The following GALNT18 variants were observed in gnomAD, a reference collection of about 807,000 sequenced individuals.
The protein encoded by GALNT18 is GalNAc-transferase 18.
GALNT18 carries 44 observed loss-of-function variants against 69.5 expected under a neutral mutation model. That is an observed-to-expected ratio of 0.63 (90% CI 0.50 to 0.81). The LOEUF (loss-of-function observed/expected upper bound fraction) is 0.81. Ranked by LOEUF, GALNT18 falls within the 40% of genes least tolerant of loss-of-function variation. GALNT18 has a pLI of 0.00. For synonymous variants in GALNT18, 364 were observed against 318.2 expected (o/e 1.14, Z -1.53); for missense variants, 715 against 810.0 (o/e 0.88, Z 1.42).
At chr11:11,394,984 C>T (rs1854293010) in intron 3 of GALNT18, among the ~76,000 whole-genome samples, 1 of 152,224 alleles carries the variant, frequency 6.6e-6, no homozygotes, top group Admixed American at 6.5e-5. Flanking sequence ...GGGACCCAGT[C>T]TGAAGACAAC....
intron 1 of GALNT18, among the ~76,000 whole-genome samples, chr11:11,472,838 A>G (rs1038576): frequency 0.19 from 29,532 of 152,060 alleles, 3,576 homozygotes; most frequent in Middle Eastern, 0.28. Flanking sequence ...TAGAAAGACT[A>G]TATATGGGCC....
intron 6 of GALNT18, among the ~76,000 whole-genome samples, chr11:11,368,439 C>T (rs1342083643): frequency 6.6e-6 from 1 of 152,134 alleles, no homozygotes; most frequent in Admixed American, 6.5e-5. Flanking sequence ...AAATAGAAAT[C>T]CTCTCTGGAG....
At chr11:11,392,257 T>A (rs932038204) in intron 3 of GALNT18, among the ~76,000 whole-genome samples, 1 of 152,198 alleles carries the variant, frequency 6.6e-6, no homozygotes, top group Non-Finnish European at 1.5e-5. Flanking sequence ...GAAATCCTCA[T>A]ATAAAGGTTT....
intron 5 of GALNT18, among the ~76,000 whole-genome samples, chr11:11,373,892 G>A (rs1181120668): frequency 6.6e-6 from 1 of 152,206 alleles, no homozygotes; most frequent in Non-Finnish European, 1.5e-5. Context: ...GGGAATAAAA[G>A]GAGAAATGAA....
chr11:11,428,886 G>A (rs906270962), intron 3 of GALNT18, among the ~76,000 whole-genome samples: 2 of 152,186 alleles, frequency 1.3e-5, no homozygotes, highest in Admixed American at 6.5e-5. Flanking sequence ...TGTTCCCATC[G>A]TGTGTGTATG....
chr11:11,474,147 A>C (rs550642598), intron 1 of GALNT18, among the ~76,000 whole-genome samples: 2 of 152,230 alleles, frequency 1.3e-5, no homozygotes, highest in Admixed American at 1.3e-4. Context: ...CCAGGTCATC[A>C]CAGATTGTGA....
intron 3 of GALNT18, among the ~76,000 whole-genome samples, chr11:11,411,766 G>T (rs540778247): frequency 9.8e-5 from 15 of 152,380 alleles, no homozygotes; most frequent in Admixed American, 9.1e-4. Flanking sequence ...AGTGAGGGAA[G>T]CAAGTCAGGG....
At chr11:11,373,335 A>G (rs1850958230) in intron 5 of GALNT18, among the ~76,000 whole-genome samples, 1 of 152,220 alleles carries the variant, frequency 6.6e-6, no homozygotes, top group Admixed American at 6.5e-5. Context: ...TTTTTTAAAG[A>G]CATATTTTGA....
In GALNT18 at chr11:11,614,310, T is replaced by C. The variant is rs1262248911; in HGVS notation, c.235+7049A>G. On this transcript the variant is annotated intron_variant, in intron 1 of 10. Coordinates refer to ENST00000227756, the MANE Select transcript of GALNT18 (RefSeq NM_198516.3). The surrounding 1 kb of genome is among the most constrained non-coding windows in gnomAD (Gnocchi z 5.6). ...GTAACAGGGAAGCAGGTATGTCACA[T>C]AGTGAGAGAGGGGTGAGAGAGAGAG... 2.0e-5 allele frequency among the ~76,000 whole-genome samples: 3 copies of C among 150,274 alleles called. No homozygotes were observed. Among genetic ancestry groups the C allele is most frequent in the Non-Finnish European group, 3.0e-5 (2 of 67,742 alleles).
chr11:11,583,503 A>G lies in GALNT18; in HGVS notation c.235+37856T>C, dbSNP rs1859137032. ...GTTTCTAGCTCTGTTTCTGGCTGGAAAGTGCACGAAAGCTGAGTTTAATCA... is the reference window on the plus strand; with the variant it reads ...GTTTCTAGCTCTGTTTCTGGCTGGAGAGTGCACGAAAGCTGAGTTTAATCA... On this transcript the variant is annotated intron_variant, in intron 1 of 10. Coordinates refer to ENST00000227756, the MANE Select transcript of GALNT18 (RefSeq NM_198516.3). This position sits in a 1 kb window ranked among gnomAD's most constrained non-coding sequence, Gnocchi z 4.7. Among the ~76,000 whole-genome samples the G allele has an allele frequency of 6.6e-6, 1 of 152,184 alleles. No individual in the cohort carries two copies. The highest frequency in any genetic ancestry group is 6.5e-5 in the Admixed American group (1 of 15,282).
intron 9 of GALNT18, among the ~76,000 whole-genome samples, chr11:11,308,955 T>C (rs184295110): frequency 3.2e-4 from 48 of 152,168 alleles, no homozygotes; most frequent in African/African-American, 1.1e-3. Context: ...AGTCTAATAC[T>C]CCATTGCCCT....
intron 1 of GALNT18, among the ~76,000 whole-genome samples, chr11:11,456,811 A>T (rs369566032): frequency 6.6e-6 from 1 of 152,280 alleles, no homozygotes; most frequent in African/African-American, 2.4e-5. Flanking sequence ...AGTTCTACCA[A>T]TGATCACATA....
intron 9 of GALNT18, among the ~76,000 whole-genome samples, chr11:11,322,375 T>C (rs117502677): frequency 0.039 from 5,914 of 152,318 alleles, 144 homozygotes; most frequent in Middle Eastern, 0.078. Context: ...CAGGCCAACA[T>C]CTACCATCAC....
At chr11:11,528,053 A>G (rs947524688) in intron 1 of GALNT18, among the ~76,000 whole-genome samples, 2 of 152,220 alleles carry the variant, frequency 1.3e-5, no homozygotes, top group East Asian at 3.8e-4. Context: ...CCCCCATTTT[A>G]CAAAGGAGGA....
In GALNT18 at chr11:11,270,991, ACTC is replaced by A; in HGVS notation, c.*150_*152del. 1 of 606,294 alleles carries A rather than the reference ACTC, an allele frequency of 1.6e-6. No homozygotes were observed. Among genetic ancestry groups the A allele is most frequent in the Non-Finnish European group, 2.8e-6 (1 of 362,250 alleles). The allele number at this position is 606,294 out of a possible 1,614,324, so 37.6% of individuals were successfully genotyped here. On this transcript the variant is annotated 3_prime_UTR_variant, in exon 11 of 11. Coordinates refer to ENST00000227756, the MANE Select transcript of GALNT18 (RefSeq NM_198516.3). ...CCTACCAATCAGCATCTTTCTATAA[ACTC>A]CATGAAAATTGAATAGGAAATAAAA...
chr11:11,378,987 A>T, intron 4 of GALNT18, 94 bp downstream of exon 4: 1 of 1,188,206 alleles, frequency 8.4e-7, no homozygotes, highest in Non-Finnish European at 1.1e-6. Context: ...CTTTTCCCTT[A>T]GGCTATGACC....
At chr11:11,334,724 G>A (rs548714236) in intron 7 of GALNT18, among the ~76,000 whole-genome samples, 2 of 152,290 alleles carry the variant, frequency 1.3e-5, no homozygotes, top group Admixed American at 6.5e-5. Context: ...TGACTTGTCT[G>A]CTGCACACTC....
intron 5 of GALNT18, among the ~76,000 whole-genome samples, chr11:11,374,626 G>A (rs1047944254): frequency 1.2e-4 from 19 of 152,252 alleles, no homozygotes; most frequent in Non-Finnish European, 4.4e-5. Context: ...TCTGAGATGA[G>A]CACAGGCCAC....
Position 11,347,381 on chromosome 11 carries a change from G to A in GALNT18, c.1093-6377C>T, listed in dbSNP as rs988984107. Among the ~76,000 whole-genome samples, 1 of 152,158 alleles carries A rather than the reference G, an allele frequency of 6.6e-6. No individual in the cohort carries two copies. The highest frequency in any genetic ancestry group is 1.5e-5 in the Non-Finnish European group (1 of 68,034). On this transcript the variant is annotated intron_variant, in intron 6 of 10. Transcript: ENST00000227756. The surrounding 1 kb of genome is among the most constrained non-coding windows in gnomAD (Gnocchi z 4.0). ...TGCTCCATAGTCTATGACAGGGATG[G>A]CAAATGAGTTTACACTCCTGTGTGA...
Sources: gnomAD v4.1 joint callset for allele counts (sites outside exome capture counted in the v4.1 genomes callset) on GRCh38, gnomAD v4.1.1 for gene constraint, Gnocchi (gnomAD v3.1) non-coding constraint, MANE v1.5 for transcripts, NCBI Gene and HGNC (gene_info 2026-07-23, HGNC 2026-07-21) for gene names.